USH2A: variants seen among roughly 807,000 people sequenced by gnomAD.
The protein encoded by USH2A is Usher syndrome 2A (autosomal recessive, mild).
A neutral mutation model predicts 538.9 loss-of-function variants in USH2A; 443 were observed. That is an observed-to-expected ratio of 0.82 (90% confidence interval 0.76 to 0.89). The LOEUF (loss-of-function observed/expected upper bound fraction) is 0.89. Among genes scored for constraint, USH2A ranks in the 40% least tolerant of loss-of-function variants. The pLI is 0.00. For missense variants in USH2A, 6,633 were observed against 6,324.8 expected, an observed-to-expected ratio of 1.05 and a Z score of -1.65; for synonymous variants, 2,413 against 2,273.5, an observed-to-expected ratio of 1.06 and a Z score of -1.75.
At chr1:216,381,917 A>G (rs914696923) in intron 3 of USH2A, among the ~76,000 whole-genome samples, 4 of 152,198 alleles carry the variant, frequency 2.6e-5, no homozygotes, top group African/African-American at 9.7e-5. Context: ...TCCTGCAAGT[A>G]CTGTATTTTC....
intron 30 of USH2A, among the ~76,000 whole-genome samples, chr1:216,058,046 C>T (rs1366865363): frequency 1.3e-5 from 2 of 152,186 alleles, no homozygotes; most frequent in Non-Finnish European, 2.9e-5. Context: ...TGTGAGTATT[C>T]TTTAACCATT....
chr1:216,189,279 C>A (rs899523540), intron 20 of USH2A, among the ~76,000 whole-genome samples: 17 of 151,318 alleles, frequency 1.1e-4, no homozygotes, highest in African/African-American at 3.9e-4. Flanking sequence ...AGAAAAAAAA[C>A]CCTACATAAT....
intron 64 of USH2A, among the ~76,000 whole-genome samples, chr1:215,655,766 C>A (rs113537967): frequency 7.8e-6 from 1 of 127,688 alleles, no homozygotes; most frequent in African/African-American, 3.0e-5. Context: ...GACAGAGTCT[C>A]GCTCTTTCAC....
chr1:215,685,788 T>C (rs1374035894), intron 61 of USH2A, among the ~76,000 whole-genome samples: 1 of 152,142 alleles, frequency 6.6e-6, no homozygotes, highest in Non-Finnish European at 1.5e-5. Flanking sequence ...ATAAACATTG[T>C]CAGAACATTT....
In USH2A at chr1:215,674,398, A is replaced by G; in HGVS notation, c.13513T>C (p.Tyr4505His). The stretch of plus-strand genomic sequence containing the variant: ...TTGCTGGCAGTTACTGTGTAGCTAT[A>G]CTCCACACCTGGGGTGAGAGTAAAA... The part of the protein sequence containing the change: ...RDFTLTPGVE[Y>H]SYTVTASNSQ... The change falls in exon 63 of 72, where the codon TAT becomes CAT. Residue 4505 changes from tyrosine (Y) to histidine (H), a missense_variant. Transcript: ENST00000307340. The G allele has an allele frequency of 6.2e-7, 1 of 1,613,886 alleles. No individual in the cohort carries two copies. Among genetic ancestry groups the G allele is most frequent in the South Asian group, 1.1e-5 (1 of 91,044 alleles).
intron 32 of USH2A, among the ~76,000 whole-genome samples, chr1:216,041,077 G>A (rs576305918): frequency 6.6e-6 from 1 of 152,074 alleles, no homozygotes; most frequent in African/African-American, 2.4e-5. Context: ...AAACTAGAAT[G>A]TATATACCTC....
At chr1:216,070,069 T>C in intron 30 of USH2A, 32 bp downstream of exon 30, 2 of 1,610,638 alleles carry the variant, frequency 1.2e-6, no homozygotes, top group East Asian at 2.2e-5. Flanking sequence ...AGGAAGTTAA[T>C]AGGGTCTACT....
intron 64 of USH2A, among the ~76,000 whole-genome samples, chr1:215,664,402 A>G (rs560247752): frequency 2.1e-4 from 32 of 152,202 alleles, no homozygotes; most frequent in Non-Finnish European, 4.3e-4. Flanking sequence ...TATTATCTGA[A>G]GCTGATTTCA....
At chr1:215,906,263 C>T (rs899278478) in intron 38 of USH2A, among the ~76,000 whole-genome samples, 10 of 151,952 alleles carry the variant, frequency 6.6e-5, no homozygotes, top group Admixed American at 2.6e-4. Context: ...TTCACCAGAG[C>T]GAACTTTTTG....
chr1:216,217,244 G>A, intron 15 of USH2A, 143 bp downstream of exon 15: 1 of 938,828 alleles, frequency 1.1e-6, no homozygotes, highest in Non-Finnish European at 1.6e-6. Flanking sequence ...TTCATTCAGT[G>A]TATTTTTTTC....
chr1:216,056,666 C>T (rs901419754), intron 30 of USH2A, among the ~76,000 whole-genome samples: 12 of 152,136 alleles, frequency 7.9e-5, no homozygotes, highest in Non-Finnish European at 1.6e-4. Context: ...TTATTACTGA[C>T]ACCTATTGCT....
At chr1:216,396,772 A>G (rs752360673) in intron 3 of USH2A, among the ~76,000 whole-genome samples, 15 of 152,224 alleles carry the variant, frequency 9.9e-5, no homozygotes, top group Non-Finnish European at 2.1e-4. Context: ...TGAAAAAAAG[A>G]CAAGTCTTGA....
chr1:215,869,477 G>C (rs974574604), intron 43 of USH2A, among the ~76,000 whole-genome samples: 8 of 152,230 alleles, frequency 5.3e-5, no homozygotes, highest in Admixed American at 3.3e-4. Context: ...GCAACCAATA[G>C]TATGAATATG....
intron 43 of USH2A, among the ~76,000 whole-genome samples, chr1:215,869,767 T>G (rs1664574817): frequency 6.6e-6 from 1 of 152,212 alleles, no homozygotes. Context: ...TGATACCATG[T>G]TTGTGGTTCT....
At chr1:216,037,882 CTA>C (rs2030068086) in intron 32 of USH2A, among the ~76,000 whole-genome samples, 1 of 151,670 alleles carries the variant, frequency 6.6e-6, no homozygotes, top group African/African-American at 2.4e-5. Context: ...TAGTTCCCCT[CTA>C]TGTGTCCATG....
intron 21 of USH2A, among the ~76,000 whole-genome samples, chr1:216,104,652 C>T (rs1483282066): frequency 6.6e-6 from 1 of 152,090 alleles, no homozygotes; most frequent in Non-Finnish European, 1.5e-5. Context: ...CTTCCTTACA[C>T]CTTATACAAA....
chr1:215,936,218 G>GATAT (rs1329144469), intron 37 of USH2A, among the ~76,000 whole-genome samples: 14 of 152,104 alleles, frequency 9.2e-5, no homozygotes, highest in African/African-American at 3.4e-4. Flanking sequence ...AAGATCTCCA[G>GATAT]ATACTGATAT....
chr1:215,831,637 T>C (rs1365794683), intron 47 of USH2A, among the ~76,000 whole-genome samples: 2 of 152,066 alleles, frequency 1.3e-5, no homozygotes, highest in African/African-American at 2.4e-5. Flanking sequence ...CAAGAGAAAT[T>C]AAAATATATT....
At chr1:215,629,865 T>G (rs1045463852) in intron 70 of USH2A, among the ~76,000 whole-genome samples, 1 of 143,740 alleles carries the variant, frequency 7.0e-6, no homozygotes, top group African/African-American at 2.6e-5. Context: ...AAGCTCCGCC[T>G]CCCGGGTTCA....
Sources: allele counts gnomAD v4.1 joint callset (sites outside exome capture counted in the v4.1 genomes callset), GRCh38; gene constraint gnomAD v4.1.1; transcripts MANE v1.5; gene names NCBI Gene and HGNC (gene_info 2026-07-23, HGNC 2026-07-21).